ZFAND3: variants seen among roughly 807,000 people sequenced by gnomAD.
The protein encoded by ZFAND3 is zinc finger AN1-type containing 3.
ZFAND3 carries 10 observed loss-of-function variants against 29.6 expected under a neutral mutation model. The observed-to-expected ratio is 0.34, with a 90% confidence interval of 0.21 to 0.57. The LOEUF (loss-of-function observed/expected upper bound fraction) is 0.57, where lower values mean the gene tolerates loss of function less well. Among genes scored for constraint, ZFAND3 ranks in the 20% least tolerant of loss-of-function variants. The probability of loss-of-function intolerance (pLI) is 0.86; values close to 1 mark genes in which losing one functional copy is unlikely to be tolerated. For synonymous variants in ZFAND3, 128 were observed against 112.6 expected, an observed-to-expected ratio of 1.14 and a Z score of -0.87; for missense variants, 230 against 304.5, an observed-to-expected ratio of 0.76 and a Z score of 1.82.
intron 4 of ZFAND3, among the ~76,000 whole-genome samples, chr6:38,092,913 C>T (rs1476450733): frequency 1.3e-5 from 2 of 152,100 alleles, no homozygotes; most frequent in East Asian, 3.8e-4. Context: ...ATGTGTAGTA[C>T]CCTCAAAACT....
At chr6:38,110,128 G>A (rs955819304) in intron 4 of ZFAND3, among the ~76,000 whole-genome samples, 3 of 152,084 alleles carry the variant, frequency 2.0e-5, no homozygotes, top group East Asian at 1.9e-4. Flanking sequence ...AGCTAGATTC[G>A]TCTCCATATC....
intron 5 of ZFAND3, among the ~76,000 whole-genome samples, chr6:38,121,870 ACTTT>A (rs1287006506): frequency 6.6e-6 from 1 of 152,214 alleles, no homozygotes; most frequent in Non-Finnish European, 1.5e-5. Flanking sequence ...GTGGGAAAAC[ACTTT>A]AAGACCAAGT....
intron 5 of ZFAND3, among the ~76,000 whole-genome samples, chr6:38,134,467 T>G (rs1765802956): frequency 6.6e-6 from 1 of 152,218 alleles, no homozygotes; most frequent in African/African-American, 2.4e-5. Flanking sequence ...GTGACTTCTT[T>G]TTTTTCCTTC....
intron 2 of ZFAND3, among the ~76,000 whole-genome samples, chr6:37,995,244 CCT>C (rs1191552294): frequency 3.3e-5 from 5 of 152,042 alleles, no homozygotes; most frequent in African/African-American, 1.2e-4. Context: ...TTAATTTTAA[CCT>C]CTTTCTTAAA....
At chr6:37,966,451 T>TTGGTCC (rs1762295180) in intron 2 of ZFAND3, among the ~76,000 whole-genome samples, 1 of 152,218 alleles carries the variant, frequency 6.6e-6, no homozygotes, top group African/African-American at 2.4e-5. Flanking sequence ...ATCCTCATTA[T>TTGGTCC]TCACTGAGCA....
At chr6:37,941,949 T>A (rs1390602610) in intron 2 of ZFAND3, among the ~76,000 whole-genome samples, 1 of 152,200 alleles carries the variant, frequency 6.6e-6, no homozygotes, top group Admixed American at 6.5e-5. Context: ...AGTGATTTGT[T>A]CCCCAGCTTC....
intron 2 of ZFAND3, among the ~76,000 whole-genome samples, chr6:37,948,088 G>A (rs768246822): frequency 2.6e-5 from 4 of 152,172 alleles, no homozygotes; most frequent in Non-Finnish European, 4.4e-5. Flanking sequence ...TTGTTGAGTA[G>A]TGTGTTCTTC....
At chr6:37,835,385 G>C (rs1277587685) in intron 1 of ZFAND3, among the ~76,000 whole-genome samples, 1 of 151,852 alleles carries the variant, frequency 6.6e-6, no homozygotes, top group African/African-American at 2.4e-5. Flanking sequence ...TTGAACTCCT[G>C]GGCTCCAGTG....
At chr6:37,972,045 G>GAA (rs55728907) in intron 2 of ZFAND3, among the ~76,000 whole-genome samples, 5 of 151,512 alleles carry the variant, frequency 3.3e-5, no homozygotes, top group Admixed American at 6.6e-5. Flanking sequence ...AGGAGGGAAA[G>GAA]AAAAAAAATG....
rs113626194 is a variant in ZFAND3, at chr6:37,881,852, TA to T, written c.72-48096del. 9.4e-4 allele frequency among the ~76,000 whole-genome samples: 136 copies of T among 144,952 alleles called. 1 individual carries two copies. Among genetic ancestry groups the T allele is most frequent in the South Asian group, 4.4e-3 (20 of 4,568 alleles). The stretch of plus-strand genomic sequence containing the variant: ...TATTTAGAATTTCAACAATTTTAGT[TA>T]AAAAAAAAAACATTCCTTTGGATGC... On this transcript the variant is annotated intron_variant, in intron 1 of 5. Transcript: ENST00000287218.
intron 2 of ZFAND3, among the ~76,000 whole-genome samples, chr6:38,041,298 T>C (rs1763754837): frequency 6.6e-6 from 1 of 152,316 alleles, no homozygotes; most frequent in Non-Finnish European, 1.5e-5. Context: ...TAAGAAATTG[T>C]GGAAGATACT....
At chr6:37,826,344 G>C (rs189630191) in intron 1 of ZFAND3, among the ~76,000 whole-genome samples, 116 of 152,302 alleles carry the variant, frequency 7.6e-4, no homozygotes, top group African/African-American at 2.6e-3. Context: ...GAGGAACAGC[G>C]ATCCTGCTCT....
At chr6:38,090,935 T>C (rs1217962430) in intron 4 of ZFAND3, among the ~76,000 whole-genome samples, 1 of 152,226 alleles carries the variant, frequency 6.6e-6, no homozygotes, top group Non-Finnish European at 1.5e-5. Context: ...GCCACCTACG[T>C]TTGTGTTACA....
chr6:37,890,418 G>GC (rs965643423), intron 1 of ZFAND3, among the ~76,000 whole-genome samples: 21 of 152,298 alleles, frequency 1.4e-4, no homozygotes, highest in African/African-American at 5.1e-4. Flanking sequence ...AGAGCCAGAA[G>GC]CCCTCAGCTC....
At chr6:37,988,195 T>TTA (rs1762702289) in intron 2 of ZFAND3, among the ~76,000 whole-genome samples, 1 of 152,238 alleles carries the variant, frequency 6.6e-6, no homozygotes, top group Non-Finnish European at 1.5e-5. Flanking sequence ...CACAGCTGCA[T>TTA]TATTATTACC....
At chr6:38,017,082 A>C (rs963649230) in intron 2 of ZFAND3, among the ~76,000 whole-genome samples, 1 of 152,206 alleles carries the variant, frequency 6.6e-6, no homozygotes, top group African/African-American at 2.4e-5. Context: ...TTTCATTTTA[A>C]AAGTTCTCCC....
chr6:38,117,288 A>C (rs1218480753), intron 5 of ZFAND3, among the ~76,000 whole-genome samples: 3 of 122,048 alleles, frequency 2.5e-5, no homozygotes, highest in East Asian at 4.8e-4. Context: ...TCCTGGGCTG[A>C]ATCCATCCTC....
At chr6:38,050,684 T>G (rs1412550409) in intron 2 of ZFAND3, among the ~76,000 whole-genome samples, 1 of 152,146 alleles carries the variant, frequency 6.6e-6, no homozygotes. Context: ...ACCTCTTTTC[T>G]TTATAAGTTA....
intron 4 of ZFAND3, among the ~76,000 whole-genome samples, chr6:38,105,952 A>T (rs752883161): frequency 2.0e-5 from 3 of 152,114 alleles, no homozygotes; most frequent in Admixed American, 6.5e-5. Context: ...TGAGATGTTC[A>T]TGGGCCCCCA....
Sources: allele counts gnomAD v4.1 joint callset (sites outside exome capture counted in the v4.1 genomes callset), GRCh38; gene constraint gnomAD v4.1.1; transcripts MANE v1.5; gene names NCBI Gene and HGNC (gene_info 2026-07-23, HGNC 2026-07-21).